ELL: variants seen among roughly 807,000 people sequenced by gnomAD.
ELL encodes the protein RNA polymerase II elongation factor ELL.
ELL carries 18 observed loss-of-function variants against 64.0 expected under a neutral mutation model. The observed-to-expected ratio is 0.28, with a 90% CI of 0.19 to 0.42. ELL has a LOEUF of 0.42. Among genes scored for constraint, ELL ranks in the 10% least tolerant of loss-of-function variants. ELL has a pLI of 1.00. For synonymous variants in ELL, 399 were observed against 376.2 expected (o/e 1.06, Z -0.70); for missense variants, 797 against 870.4 (o/e 0.92, Z 1.06).
chr19:18,506,133 T>A (rs904197225), intron 1 of ELL, among the ~76,000 whole-genome samples: 2 of 152,180 alleles, frequency 1.3e-5, no homozygotes, highest in Non-Finnish European at 2.9e-5. Context: ...GTGCCCAGGC[T>A]GCTGCCCCTG....
At chr19:18,511,981 C>A (rs978467589) in intron 1 of ELL, among the ~76,000 whole-genome samples, 4 of 151,856 alleles carry the variant, frequency 2.6e-5, no homozygotes, top group Non-Finnish European at 5.9e-5. Flanking sequence ...ATGGTGAAAC[C>A]CCGTCTCTAC....
At chr19:18,459,209 G>A (rs1402396190) in intron 5 of ELL, among the ~76,000 whole-genome samples, 1 of 152,102 alleles carries the variant, frequency 6.6e-6, no homozygotes, top group Non-Finnish European at 1.5e-5. Context: ...TCCCAGGGAA[G>A]AGTCAGCCAC....
At chr19:18,495,594 C>T (rs374823263) in intron 1 of ELL, among the ~76,000 whole-genome samples, 1 of 152,186 alleles carries the variant, frequency 6.6e-6, no homozygotes, top group Non-Finnish European at 1.5e-5. Flanking sequence ...GGAGGAGGGC[C>T]GAGAGCCTGC....
chr19:18,480,023 G>A (rs1455875829), intron 1 of ELL, among the ~76,000 whole-genome samples: 1 of 152,172 alleles, frequency 6.6e-6, no homozygotes, highest in African/African-American at 2.4e-5. Flanking sequence ...CACCCCTGAT[G>A]CAGGAAATGA....
At position 18,466,030 on chromosome 19, in the gene ELL, G is replaced by T. The variant is rs899968768; in HGVS notation, c.184-112C>A. 2.7e-6 allele frequency: 3 copies of T among 1,105,320 alleles called. No homozygotes were observed. The East Asian group carries it at 9.6e-5, about 35-fold the overall frequency. 68.5% of individuals were successfully genotyped at this position (1,105,320 alleles called of 1,614,324 possible). A position where few individuals can be genotyped will look rare whatever the true frequency, so the allele number is the denominator to read the frequency against. ...GCAACCCTCACAACAGGAATGTGCT[G>T]GCCCTTTTCCCTAAAACACACCCCT... On this transcript the variant is annotated intron_variant, in intron 2 of 11. Transcript: ENST00000262809.
intron 1 of ELL, among the ~76,000 whole-genome samples, chr19:18,495,846 G>A (rs74389203): frequency 0.13 from 19,555 of 152,212 alleles, 1,311 homozygotes; most frequent in South Asian, 0.2. Flanking sequence ...CATGGACAGC[G>A]CCAGCCAGGG....
chr19:18,455,125 G>A (rs1299845971), intron 6 of ELL, among the ~76,000 whole-genome samples: 2 of 143,854 alleles, frequency 1.4e-5, no homozygotes. Context: ...TGGGCGATAG[G>A]GTGAGAGTCC....
chr19:18,505,910 A>T (rs980185931), intron 1 of ELL, among the ~76,000 whole-genome samples: 35 of 152,264 alleles, frequency 2.3e-4, no homozygotes, highest in Non-Finnish European at 4.6e-4. Flanking sequence ...AGAGGGTGGC[A>T]CCACTGTACA....
At chr19:18,515,534 A>C (rs892697459) in intron 1 of ELL, among the ~76,000 whole-genome samples, 5 of 152,168 alleles carry the variant, frequency 3.3e-5, no homozygotes, top group Non-Finnish European at 5.9e-5. Flanking sequence ...TGCTCCCACC[A>C]CGGGGAAGAT....
chr19:18,519,231 CAAA>C (rs781417623), intron 1 of ELL, among the ~76,000 whole-genome samples: 1 of 106,642 alleles, frequency 9.4e-6, no homozygotes, highest in Admixed American at 1.0e-4. Flanking sequence ...GACTCCGTCT[CAAA>C]AAAAAAAAAA....
chr19:18,495,234 G>A (rs1418969976), intron 1 of ELL, among the ~76,000 whole-genome samples: 1 of 152,194 alleles, frequency 6.6e-6, no homozygotes, highest in Non-Finnish European at 1.5e-5. Context: ...CCAGGAGACT[G>A]CAGGCCTTGT....
In ELL at chr19:18,501,796, C is replaced by A. The variant is rs1975784027; in HGVS notation, c.135+20125G>T. On this transcript the variant is annotated intron_variant, in intron 1 of 11. Transcript: ENST00000262809. This position sits in a 1 kb window ranked among gnomAD's most constrained non-coding sequence, Gnocchi z 4.5. The stretch of plus-strand genomic sequence containing the variant: ...CCACAAATGGTCCATCCTTGGGGAG[C>A]ATCTCCCCCACATCCTCAACCTCCA... 6.6e-6 allele frequency among the ~76,000 whole-genome samples: 1 copy of A among 152,212 alleles called. No homozygotes were observed. The highest frequency in any genetic ancestry group is 6.5e-5 in the Admixed American group (1 of 15,290).
At chr19:18,503,850 C>T (rs908281067) in intron 1 of ELL, among the ~76,000 whole-genome samples, 1 of 152,178 alleles carries the variant, frequency 6.6e-6, no homozygotes, top group Non-Finnish European at 1.5e-5. Flanking sequence ...TCACTCATCA[C>T]TCCCGTTCAG....
intron 1 of ELL, among the ~76,000 whole-genome samples, chr19:18,485,849 G>A (rs1344372232): frequency 6.6e-6 from 1 of 152,094 alleles, no homozygotes; most frequent in African/African-American, 2.4e-5. Context: ...AGCCGGGCGT[G>A]GTAGCACACG....
chr19:18,463,795 G>A (rs958994757), intron 4 of ELL, among the ~76,000 whole-genome samples: 3 of 151,760 alleles, frequency 2.0e-5, no homozygotes, highest in Non-Finnish European at 2.9e-5. Flanking sequence ...TGGCTAACAC[G>A]GTGAAACCCC....
At chr19:18,459,790 T>C (rs1337524849) in intron 5 of ELL, among the ~76,000 whole-genome samples, 1 of 148,500 alleles carries the variant, frequency 6.7e-6, no homozygotes. Flanking sequence ...CCTCCCAAAG[T>C]GCTGGGATTA....
intron 6 of ELL, among the ~76,000 whole-genome samples, chr19:18,454,042 T>C (rs1309152976): frequency 1.3e-5 from 2 of 152,072 alleles, no homozygotes; most frequent in African/African-American, 4.8e-5. Flanking sequence ...TGACTCCTGA[T>C]GGGGATAGGG....
intron 6 of ELL, among the ~76,000 whole-genome samples, chr19:18,452,838 G>A (rs901778787): frequency 5.9e-5 from 9 of 152,224 alleles, no homozygotes; most frequent in South Asian, 2.1e-4. Flanking sequence ...AGGGCACATC[G>A]GGATTCAGAG....
chr19:18,482,437 C>T (rs1428050374), intron 1 of ELL, among the ~76,000 whole-genome samples: 1 of 150,304 alleles, frequency 6.7e-6, no homozygotes, highest in East Asian at 2.0e-4. Context: ...CCTGCCTCTG[C>T]CTCTGCCTCT....
Sources: gnomAD v4.1 joint callset for allele counts (sites outside exome capture counted in the v4.1 genomes callset) on GRCh38, gnomAD v4.1.1 for gene constraint, Gnocchi (gnomAD v3.1) non-coding constraint, MANE v1.5 for transcripts, NCBI Gene and HGNC (gene_info 2026-07-23, HGNC 2026-07-21) for gene names.